FOCAD: variants seen among roughly 807,000 people sequenced by gnomAD.
The protein encoded by FOCAD is KIAA1797.
Under a neutral mutation model 225.6 loss-of-function variants are expected in FOCAD, and 198 were observed. That is an observed-to-expected ratio of 0.88 (90% CI 0.78 to 0.99). The LOEUF (loss-of-function observed/expected upper bound fraction) is 0.99. FOCAD is among the 50% of genes least tolerant of loss of function. FOCAD has a pLI of 0.00. For synonymous variants in FOCAD, 897 were observed against 755.0 expected, an observed-to-expected ratio of 1.19 and a Z score of -3.08; for missense variants, 2,713 against 2,123.6, an observed-to-expected ratio of 1.28 and a Z score of -5.46.
chr9:20,865,845 C>A, intron 16 of FOCAD, 81 bp from the exon 17 acceptor site: 1 of 950,654 alleles, frequency 1.1e-6, no homozygotes, highest in South Asian at 1.6e-5. Context: ...ACTTAATTTT[C>A]ATTATTTGCT....
At chr9:20,879,766 C>T (rs1012087746) in intron 19 of FOCAD, among the ~76,000 whole-genome samples, 1 of 152,214 alleles carries the variant, frequency 6.6e-6, no homozygotes, top group Non-Finnish European at 1.5e-5. Context: ...ATCAACTACA[C>T]TTAGCCTCCT....
intron 32 of FOCAD, among the ~76,000 whole-genome samples, chr9:20,949,192 G>A (rs1837463865): frequency 6.6e-6 from 1 of 152,136 alleles, no homozygotes. Flanking sequence ...CCCTGCCTGA[G>A]AAAAGATGAT....
At chr9:20,748,017 C>G (rs1024696856) in intron 5 of FOCAD, among the ~76,000 whole-genome samples, 2 of 151,672 alleles carry the variant, frequency 1.3e-5, no homozygotes, top group African/African-American at 4.8e-5. Flanking sequence ...CAGCTATTAT[C>G]TTATGGTTTT....
chr9:20,772,867 T>C (rs1818375317), intron 8 of FOCAD, among the ~76,000 whole-genome samples: 2 of 151,910 alleles, frequency 1.3e-5, no homozygotes, highest in African/African-American at 2.4e-5. Context: ...TTTTCTATTA[T>C]ACAGTTACAT....
At chr9:20,947,361 T>C (rs1837279737) in intron 30 of FOCAD, among the ~76,000 whole-genome samples, 1 of 152,198 alleles carries the variant, frequency 6.6e-6, no homozygotes, top group South Asian at 2.1e-4. Flanking sequence ...CGGATGAACC[T>C]TGAAGGCATT....
chr9:20,973,501 A>G (rs11793806), intron 35 of FOCAD, among the ~76,000 whole-genome samples: 2 of 113,344 alleles, frequency 1.8e-5, no homozygotes, highest in African/African-American at 7.1e-5. Flanking sequence ...ACTTTTGCTG[A>G]CTCTGCCCTA....
chr9:20,872,587 T>C (rs1350019039), intron 18 of FOCAD, among the ~76,000 whole-genome samples: 1 of 142,828 alleles, frequency 7.0e-6, no homozygotes, highest in East Asian at 2.2e-4. Context: ...CCTCTCTCCC[T>C]CCATAGCTCC....
At chr9:20,928,345 A>G (rs1331495067) in intron 26 of FOCAD, among the ~76,000 whole-genome samples, 3 of 152,190 alleles carry the variant, frequency 2.0e-5, no homozygotes, top group African/African-American at 2.4e-5. Context: ...AAACAGTGCT[A>G]TATTAATTTA....
rs764384996 is a variant in FOCAD at position 20,988,395 on chromosome 9, A to C, written c.4970A>C (p.Gln1657Pro). Reference protein sequence around the residue: ...LMGYIRNVAYQSTSFHNTALD... With the variant: ...LMGYIRNVAYPSTSFHNTALD... ...GGTTATATTAGAAATGTTGCTTACCAGTCAACATCCTTTCACAATACGGCT... is the reference window on the plus strand; with the variant it reads ...GGTTATATTAGAAATGTTGCTTACCCGTCAACATCCTTTCACAATACGGCT... The change falls in exon 41 of 44, where the codon CAG (glutamine) becomes CCG (proline). Residue 1657 changes from glutamine to proline, a missense_variant. By Grantham distance (76) the Gln-to-Pro change is moderately conservative (BLOSUM62 -1). Coordinates refer to ENST00000338382, the MANE Select transcript of FOCAD (RefSeq NM_001375567.1). The C allele has an allele frequency of 6.2e-7, 1 of 1,611,214 alleles. No homozygotes were observed. Among genetic ancestry groups the C allele is most frequent in the Non-Finnish European group, 8.5e-7 (1 of 1,178,046 alleles).
At chr9:20,719,487 T>C (rs1410181414) in intron 3 of FOCAD, among the ~76,000 whole-genome samples, 1 of 152,064 alleles carries the variant, frequency 6.6e-6, no homozygotes, top group East Asian at 1.9e-4. Flanking sequence ...AAAGGAAAAA[T>C]TGCTTCATTA....
chr9:20,663,598 A>C (rs950706616), intron 2 of FOCAD, among the ~76,000 whole-genome samples: 3 of 152,130 alleles, frequency 2.0e-5, no homozygotes, highest in African/African-American at 7.2e-5. Context: ...CTATGCATCA[A>C]AAACAATTCT....
chr9:20,948,312 A>G lies in FOCAD; in HGVS notation c.3717A>G (p.Gly1239=), dbSNP rs35470485. ...TGGCTTTAGGAAACATAGTTCATGGATTGTCTGTGTGTGGACATGGAAAAG... is the reference window on the plus strand; with the variant it reads ...TGGCTTTAGGAAACATAGTTCATGGGTTGTCTGTGTGTGGACATGGAAAAG... ...FALALGNIVH[G]LSVCGHGKAE... The change falls in exon 31 of 44, where the codon GGA becomes GGG. Residue 1239 remains glycine, a synonymous_variant. Coordinates refer to ENST00000338382, the MANE Select transcript of FOCAD (RefSeq NM_001375567.1). 144,883 of 1,611,604 alleles carry G rather than the reference A, an allele frequency of 0.09. 7,678 individuals carry two copies. The highest frequency in any genetic ancestry group is 0.1 in the Non-Finnish European group (122,924 of 1,178,370).
intron 9 of FOCAD, among the ~76,000 whole-genome samples, chr9:20,780,433 G>T (rs1295913156): frequency 6.6e-6 from 1 of 152,160 alleles, no homozygotes; most frequent in Non-Finnish European, 1.5e-5. Context: ...TTATTTCCTG[G>T]TTAGCAGACT....
chr9:20,696,455 A>G (rs1159747166), intron 1 of FOCAD, among the ~76,000 whole-genome samples: 3 of 152,160 alleles, frequency 2.0e-5, no homozygotes, highest in African/African-American at 7.2e-5. Flanking sequence ...TACAGTTTTT[A>G]TTTGTCAATT....
At chr9:20,762,814 G>A (rs1314899866) in intron 6 of FOCAD, among the ~76,000 whole-genome samples, 1 of 151,820 alleles carries the variant, frequency 6.6e-6, no homozygotes, top group African/African-American at 2.4e-5. Flanking sequence ...TTCAGCCCTT[G>A]CCCCTCCTTC....
intron 15 of FOCAD, among the ~76,000 whole-genome samples, chr9:20,833,263 T>C (rs1369581164): frequency 1.3e-5 from 2 of 152,000 alleles, no homozygotes; most frequent in East Asian, 1.9e-4. Flanking sequence ...TGTTGAGCAA[T>C]AGGTATCATT....
intron 21 of FOCAD, among the ~76,000 whole-genome samples, chr9:20,887,737 T>G (rs10964748): frequency 0.19 from 28,378 of 152,192 alleles, 3,248 homozygotes; most frequent in Non-Finnish European, 0.25. Context: ...TGTGGTAAAT[T>G]CATATATAAC....
At position 20,888,480 on chromosome 9, in the gene FOCAD, T is replaced by G. The variant is rs552121568; in HGVS notation, c.2625+3250T>G. Among the ~76,000 whole-genome samples the G allele has an allele frequency of 5.9e-5, 9 of 152,332 alleles. 1 individual carries two copies. Among genetic ancestry groups the G allele is most frequent in the East Asian group, 3.9e-4 (2 of 5,182 alleles). ...ATTTTGAAGAGTGGACTTTTCATTT[T>G]GAAGAATTTCAACTTACCAAATTTT... On this transcript the variant is annotated intron_variant, in intron 21 of 43. Transcript: ENST00000338382.
At chr9:20,684,723 T>C (rs1375149265) in intron 1 of FOCAD, 1 of 152,452 alleles carries the variant, frequency 6.6e-6, no homozygotes, top group East Asian at 1.9e-4. Flanking sequence ...CAGGAGATTC[T>C]GGCCGCGTCC....
Sources: allele counts gnomAD v4.1 joint callset (sites outside exome capture counted in the v4.1 genomes callset), GRCh38; gene constraint gnomAD v4.1.1; transcripts MANE v1.5; gene names NCBI Gene and HGNC (gene_info 2026-07-23, HGNC 2026-07-21).